The following FBXL20 variants were observed in gnomAD, a reference collection of about 807,000 sequenced individuals.
FBXL20 encodes the protein F-box/LRR-repeat protein 20.
In FBXL20, 11 loss-of-function variants were observed where a neutral mutation model predicts 64.0. That is an observed-to-expected ratio of 0.17 (90% CI 0.11 to 0.28). FBXL20 has a LOEUF of 0.28. Among genes scored for constraint, FBXL20 ranks in the 10% least tolerant of loss-of-function variants. The pLI is 1.00. For missense variants in FBXL20, 303 were observed against 526.2 expected, an observed-to-expected ratio of 0.58 and a Z score of 4.15; for synonymous variants, 184 against 189.0, an observed-to-expected ratio of 0.97 and a Z score of 0.22.
intron 7 of FBXL20, among the ~76,000 whole-genome samples, chr17:39,284,786 G>A (rs1237539452): frequency 6.6e-6 from 1 of 152,086 alleles, no homozygotes; most frequent in Non-Finnish European, 1.5e-5. Flanking sequence ...AACTTTATAT[G>A]GTGTTGCCTA....
At chr17:39,372,039 G>C (rs1166480564) in intron 1 of FBXL20, among the ~76,000 whole-genome samples, 1 of 152,078 alleles carries the variant, frequency 6.6e-6, no homozygotes, top group Non-Finnish European at 1.5e-5. Context: ...CCTGCCTCTT[G>C]CCAGTAGTCT....
intron 1 of FBXL20, among the ~76,000 whole-genome samples, chr17:39,395,681 T>C (rs1312359678): frequency 6.6e-6 from 1 of 152,232 alleles, no homozygotes; most frequent in African/African-American, 2.4e-5. Context: ...TAGAAAAATA[T>C]ATACCATTTT....
rs151224029 is a variant in FBXL20 at position 39,282,232 on chromosome 17, T to C, written c.621+497A>G. The stretch of plus-strand genomic sequence containing the variant: ...TTTTTTTCACTATAAAACACTGAGA[T>C]AGTAAAATTTTTAATGACAAAATAT... On this transcript the variant is annotated intron_variant, in intron 8 of 14. Transcript: ENST00000264658. Among the ~76,000 whole-genome samples, 394 of 152,252 alleles carry C rather than the reference T, an allele frequency of 2.6e-3. 1 individual carries two copies. Among genetic ancestry groups the C allele is most frequent in the Admixed American group, 5.6e-3 (86 of 15,290 alleles).
chr17:39,266,916 G>A (rs956366781), intron 12 of FBXL20, among the ~76,000 whole-genome samples: 1 of 152,198 alleles, frequency 6.6e-6, no homozygotes, highest in African/African-American at 2.4e-5. Flanking sequence ...CAATGCTTGG[G>A]AGGCTGAGGC....
intron 2 of FBXL20, among the ~76,000 whole-genome samples, chr17:39,306,195 G>A (rs1597787428): frequency 6.7e-6 from 1 of 149,186 alleles, no homozygotes; most frequent in African/African-American, 2.5e-5. Context: ...CTGTCGCCCA[G>A]GCTGGAGTGC....
intron 1 of FBXL20, among the ~76,000 whole-genome samples, chr17:39,343,823 G>A (rs1216088247): frequency 2.0e-5 from 3 of 151,894 alleles, no homozygotes; most frequent in Non-Finnish European, 4.4e-5. Context: ...AGTCTCCTGG[G>A]TAGCTGAGGT....
chr17:39,262,374 T>C (rs1235328886), intron 14 of FBXL20, among the ~76,000 whole-genome samples: 1 of 152,070 alleles, frequency 6.6e-6, no homozygotes, highest in Non-Finnish European at 1.5e-5. Flanking sequence ...CTCCGCCTCC[T>C]GGTTCAAGCG....
chr17:39,371,074 C>T (rs139667480), intron 1 of FBXL20, among the ~76,000 whole-genome samples: 5,944 of 152,008 alleles, frequency 0.039, 181 homozygotes, highest in Non-Finnish European at 0.064. Flanking sequence ...CAAAATTAGC[C>T]GGGCGTGGTG....
intron 1 of FBXL20, among the ~76,000 whole-genome samples, chr17:39,362,766 G>A (rs571810442): frequency 2.0e-5 from 3 of 151,958 alleles, no homozygotes; most frequent in Admixed American, 6.6e-5. Flanking sequence ...ACAGGCATGC[G>A]CCACCACACC....
chr17:39,399,396 T>C (rs2048218806), intron 1 of FBXL20, among the ~76,000 whole-genome samples: 1 of 152,226 alleles, frequency 6.6e-6, no homozygotes, highest in African/African-American at 2.4e-5. Flanking sequence ...TATTTACTAC[T>C]TCCTAAGAAG....
At chr17:39,303,875 G>A (rs584377) in intron 2 of FBXL20, among the ~76,000 whole-genome samples, 34,167 of 151,850 alleles carry the variant, frequency 0.23, 4,536 homozygotes, top group African/African-American at 0.37. Flanking sequence ...TTGTAGAAAC[G>A]GGGTTTCACC....
rs139053009 is a variant in FBXL20 at position 39,289,769 on chromosome 17, C to A, written c.399-4196G>T. On this transcript the variant is annotated intron_variant, in intron 6 of 14. Coordinates refer to ENST00000264658, the MANE Select transcript of FBXL20 (RefSeq NM_032875.3). ...CAGCACTTTGGGAGGCCGAGGCAGG[C>A]AGATCAGTTGAGGCCAGTAGTTCAA... Among the ~76,000 whole-genome samples the A allele has an allele frequency of 7.5e-3, 1,143 of 151,894 alleles. 11 individuals carry two copies. Among genetic ancestry groups the A allele is most frequent in the Non-Finnish European group, 9.0e-3 (612 of 67,962 alleles).
rs1172005452 is a variant in FBXL20, at chr17:39,343,057, A to C, written c.104+123T>G. ...CAGAGTAAGATTGTTCAAAGCAATC[A>C]AATTTAAAAATTCAGATACAGATAC... is the stretch of plus-strand genomic sequence containing the variant. On this transcript the variant is annotated intron_variant, in intron 2 of 14. Coordinates refer to ENST00000264658, the MANE Select transcript of FBXL20 (RefSeq NM_032875.3). 7.2e-6 allele frequency: 4 copies of C among 555,408 alleles called. No homozygotes were observed. The African/African-American group carries it at 7.8e-5, about 11-fold the overall frequency. The allele number at this position is 555,408 out of a possible 1,614,324, so 34.4% of individuals were successfully genotyped here. A position where few individuals can be genotyped will look rare whatever the true frequency, so the allele number is the denominator to read the frequency against.
rs11271226 is a variant in FBXL20 at position 39,265,571 on chromosome 17, C to CTATAAGCTCACTGCA, written c.934-133_934-119dup. ...CCCAGGCTAGAGTGTAGTGGTGCAA[C>CTATAAGCTCACTGCA]TATAAGCTCACTGCAGCCTAAAACT... On this transcript the variant is annotated intron_variant, in intron 12 of 14. Transcript: ENST00000264658. 0.016 allele frequency: 10,113 copies of CTATAAGCTCACTGCA among 643,366 alleles called. 832 individuals carry two copies. In the African/African-American group the frequency reaches 0.17, roughly 11 times the overall value. The allele number at this position is 643,366 out of a possible 1,614,324, so 39.9% of individuals were successfully genotyped here. A position where few individuals can be genotyped will look rare whatever the true frequency, so the allele number is the denominator to read the frequency against.
chr17:39,282,296 A>G lies in FBXL20; in HGVS notation c.621+433T>C, dbSNP rs554962994. ...TGTGACTGGCAGGAAATAAGCATCA[A>G]TACTATAAAATGCAGGTTGCTGTAC... On this transcript the variant is annotated intron_variant, in intron 8 of 14. Coordinates refer to ENST00000264658, the MANE Select transcript of FBXL20 (RefSeq NM_032875.3). 1.4e-4 allele frequency among the ~76,000 whole-genome samples: 22 copies of G among 152,082 alleles called. 1 individual carries two copies. The Middle Eastern group carries it at 0.01, about 71-fold the overall frequency.
chr17:39,297,047 A>G, intron 6 of FBXL20, 80 bp downstream of exon 6: 1 of 900,296 alleles, frequency 1.1e-6, no homozygotes, highest in South Asian at 2.2e-5. Flanking sequence ...TGCTCAATAG[A>G]GTTAATGGCC....
intron 1 of FBXL20, among the ~76,000 whole-genome samples, chr17:39,350,317 C>T (rs1028064945): frequency 6.6e-6 from 1 of 151,992 alleles, no homozygotes; most frequent in Admixed American, 6.6e-5. Context: ...TGGAGAAACC[C>T]CATCTCTACT....
intron 2 of FBXL20, among the ~76,000 whole-genome samples, chr17:39,331,201 AGCGATTCTTCT>A (rs2047457102): frequency 6.6e-6 from 1 of 152,304 alleles, no homozygotes; most frequent in Middle Eastern, 3.4e-3. Flanking sequence ...CCGGGGTTCA[AGCGATTCTTCT>A]GCCTCAGCCT....
At chr17:39,348,385 TG>T (rs911197008) in intron 1 of FBXL20, among the ~76,000 whole-genome samples, 2 of 151,772 alleles carry the variant, frequency 1.3e-5, no homozygotes, top group African/African-American at 4.8e-5. Flanking sequence ...CCCTTGAACC[TG>T]GGAGCGGAGG....
Sources: allele counts gnomAD v4.1 joint callset (sites outside exome capture counted in the v4.1 genomes callset), GRCh38; gene constraint gnomAD v4.1.1; transcripts MANE v1.5; gene names NCBI Gene and HGNC (gene_info 2026-07-23, HGNC 2026-07-21).